COL22A1: variants seen among roughly 807,000 people sequenced by gnomAD.
The protein encoded by COL22A1 is collagen alpha-1(XXII) chain.
A neutral mutation model predicts 248.9 loss-of-function variants in COL22A1; 221 were observed. That is an observed-to-expected ratio of 0.89 (90% CI 0.80 to 0.99). The LOEUF is 0.99. COL22A1 is among the 50% of genes least tolerant of loss of function. COL22A1 has a pLI of 0.00. For missense variants in COL22A1, 2,240 were observed against 2,179.0 expected, an observed-to-expected ratio of 1.03 and a Z score of -0.56; for synonymous variants, 891 against 793.4, an observed-to-expected ratio of 1.12 and a Z score of -2.07.
Position 138,821,413 on chromosome 8 carries a change from TGG to T in COL22A1, c.970-4_970-3del, listed in dbSNP as rs1819119288. ...TTCACCATCCAGCCGGATGGAGACC[TGG>T]GGAGGAAAGGACCAGAGACTCCTTG... is the stretch of plus-strand genomic sequence containing the variant. On this transcript the variant is annotated splice_region_variant and splice_polypyrimidine_tract_variant and intron_variant, in intron 6 of 64. Transcript: ENST00000303045. 6.2e-7 allele frequency: 1 copy of T among 1,610,786 alleles called. No homozygotes were observed. Among genetic ancestry groups the T allele is most frequent in the African/African-American group, 1.3e-5 (1 of 74,814 alleles).
intron 15 of COL22A1, among the ~76,000 whole-genome samples, chr8:138,776,845 T>G (rs948909498): frequency 1.3e-5 from 2 of 152,160 alleles, no homozygotes; most frequent in Admixed American, 1.3e-4. Flanking sequence ...ACCCAGTGAG[T>G]GACTGTGTCG....
At chr8:138,820,408 T>G (rs1225311576) in intron 7 of COL22A1, among the ~76,000 whole-genome samples, 1 of 151,904 alleles carries the variant, frequency 6.6e-6, no homozygotes, top group East Asian at 1.9e-4. Context: ...ATACTTACGG[T>G]GTATGCATCT....
chr8:138,598,519 A>G (rs1817730440), intron 61 of COL22A1, among the ~76,000 whole-genome samples, 200 bp downstream of exon 61: 1 of 152,226 alleles, frequency 6.6e-6, no homozygotes, highest in Non-Finnish European at 1.5e-5. Flanking sequence ...ATCATCATAA[A>G]TCAGAAGAGG....
intron 1 of COL22A1, among the ~76,000 whole-genome samples, chr8:138,891,353 G>A (rs185963263): frequency 1.3e-5 from 2 of 152,256 alleles, no homozygotes; most frequent in Admixed American, 6.5e-5. Flanking sequence ...CTGGGTTCAG[G>A]GAGGATAGAC....
chr8:138,728,265 A>G (rs1332592245), intron 23 of COL22A1, among the ~76,000 whole-genome samples: 16 of 151,962 alleles, frequency 1.1e-4, no homozygotes, highest in Non-Finnish European at 5.9e-5. Context: ...CCTGGGCTCA[A>G]GCAATCCTCT....
chr8:138,672,604 C>T (rs1825130241), intron 41 of COL22A1, among the ~76,000 whole-genome samples: 1 of 152,102 alleles, frequency 6.6e-6, no homozygotes, highest in South Asian at 2.1e-4. Flanking sequence ...GGCATCAGTA[C>T]AACTAATTCC....
At chr8:138,904,640 T>C (rs1814879224) in intron 1 of COL22A1, among the ~76,000 whole-genome samples, 1 of 152,162 alleles carries the variant, frequency 6.6e-6, no homozygotes, top group Admixed American at 6.5e-5. Flanking sequence ...GTCCCCCACT[T>C]AGTACACTGT....
intron 27 of COL22A1, 61 bp from the exon 28 acceptor site, chr8:138,716,930 TTTCCCAG>T (rs1271839728): frequency 1.3e-4 from 162 of 1,268,448 alleles, no homozygotes; most frequent in Middle Eastern, 3.7e-4. Flanking sequence ...ATGACTGCCA[TTTCCCAG>T]TTGTCCTCAC....
chr8:138,866,762 C>T (rs541277709), intron 3 of COL22A1, among the ~76,000 whole-genome samples: 1 of 152,294 alleles, frequency 6.6e-6, no homozygotes, highest in South Asian at 2.1e-4. Flanking sequence ...GATTCATGTC[C>T]AAAACCTAGG....
intron 3 of COL22A1, among the ~76,000 whole-genome samples, chr8:138,854,799 G>GTGATGGTGA (rs1338072974): frequency 6.6e-6 from 1 of 150,552 alleles, no homozygotes; most frequent in Admixed American, 6.6e-5. Context: ...TGTGATGGTG[G>GTGATGGTGA]TGATGGTGAT....
At chr8:138,853,973 T>C (rs1351070095) in intron 3 of COL22A1, among the ~76,000 whole-genome samples, 1 of 152,108 alleles carries the variant, frequency 6.6e-6, no homozygotes, top group African/African-American at 2.4e-5. Context: ...CAGTGTGGGG[T>C]AGAATGATCC....
Position 138,749,848 on chromosome 8 carries a change from CA to C in COL22A1, c.2085+1609del, listed in dbSNP as rs201827506. 6.2e-3 allele frequency among the ~76,000 whole-genome samples: 945 copies of C among 152,234 alleles called. 8 individuals carry two copies. The highest frequency in any genetic ancestry group is 0.025 in the South Asian group (118 of 4,814). On this transcript the variant is annotated intron_variant, in intron 22 of 64. Transcript: ENST00000303045. ...CACTTGACTGACAGGGAAACTGAGC[CA>C]GGGGTGGGGATGCTGAATGGGAAGT...
chr8:138,875,199 C>A (rs781658463), intron 3 of COL22A1, among the ~76,000 whole-genome samples: 10 of 152,148 alleles, frequency 6.6e-5, no homozygotes, highest in Non-Finnish European at 1.2e-4. Flanking sequence ...AATATTAATA[C>A]ATTTGCTTTA....
chr8:138,673,507 C>G (rs1825234334), intron 41 of COL22A1, among the ~76,000 whole-genome samples: 1 of 152,186 alleles, frequency 6.6e-6, no homozygotes, highest in Non-Finnish European at 1.5e-5. Context: ...CCATGCCCGG[C>G]CCCAGCCGGA....
At position 138,813,474 on chromosome 8, in the gene COL22A1, C is replaced by T. The variant is rs1291306730; in HGVS notation, c.1246-455G>A. Among the ~76,000 whole-genome samples the T allele has an allele frequency of 2.0e-5, 3 of 152,264 alleles. No homozygotes were observed. In the East Asian group the frequency reaches 5.8e-4, roughly 29 times the overall value. On this transcript the variant is annotated intron_variant, in intron 7 of 64. Coordinates refer to ENST00000303045, the MANE Select transcript of COL22A1 (RefSeq NM_152888.3). ...TTGTTCTTCTGCCATGACTGTGAGG[C>T]CTCCCCAGCCATATGGAACCGTGAG...
intron 42 of COL22A1, among the ~76,000 whole-genome samples, chr8:138,663,016 T>TACACACACACACACACACACA: frequency 6.7e-6 from 1 of 148,636 alleles, no homozygotes; most frequent in Non-Finnish European, 1.5e-5. Flanking sequence ...ACTCTGTCAC[T>TACACACACACACACACACACA]CACACACACA....
intron 30 of COL22A1, among the ~76,000 whole-genome samples, chr8:138,714,241 ATCTC>A (rs1829261195): frequency 6.6e-6 from 1 of 152,064 alleles, no homozygotes; most frequent in Non-Finnish European, 1.5e-5. Context: ...GTGTATCAAA[ATCTC>A]TCTGAGTCTC....
chr8:138,802,186 G>A (rs1345417875), intron 11 of COL22A1, among the ~76,000 whole-genome samples: 2 of 152,100 alleles, frequency 1.3e-5, no homozygotes, highest in African/African-American at 2.4e-5. Flanking sequence ...TGGTGAAGCC[G>A]GAATTCACTT....
At chr8:138,693,753 T>G in intron 34 of COL22A1, 54 bp from the exon 35 acceptor site, 1 of 1,522,070 alleles carries the variant, frequency 6.6e-7, no homozygotes. Flanking sequence ...TGATGCTGTT[T>G]CCCCTCACAG....
Sources: gnomAD v4.1 joint callset for allele counts (sites outside exome capture counted in the v4.1 genomes callset) on GRCh38, gnomAD v4.1.1 for gene constraint, MANE v1.5 for transcripts, NCBI Gene and HGNC (gene_info 2026-07-23, HGNC 2026-07-21) for gene names.